Variants in ARHGAP44 observed in about 807,000 individuals in gnomAD.
ARHGAP44 encodes the protein Rho GTPase activating protein 44.
ARHGAP44 carries 43 observed loss-of-function variants against 106.8 expected under a neutral mutation model. The observed-to-expected ratio is 0.40, with a 90% confidence interval of 0.32 to 0.52. ARHGAP44 has a LOEUF of 0.52. Among genes scored for constraint, ARHGAP44 ranks in the 20% least tolerant of loss-of-function variants. The pLI is 0.48. For synonymous variants in ARHGAP44, 439 were observed against 410.3 expected, an observed-to-expected ratio of 1.07 and a Z score of -0.85; for missense variants, 866 against 1,050.5, an observed-to-expected ratio of 0.82 and a Z score of 2.43.
At chr17:12,895,149 CAAAT>C (rs1169309963) in intron 2 of ARHGAP44, among the ~76,000 whole-genome samples, 170 bp downstream of exon 2, 1 of 151,708 alleles carries the variant, frequency 6.6e-6, no homozygotes, top group African/African-American at 2.4e-5. Flanking sequence ...AAAAAACAAA[CAAAT>C]AAAAAAACAA....
At chr17:12,804,882 T>C (rs1161048836) in intron 1 of ARHGAP44, among the ~76,000 whole-genome samples, 2 of 152,216 alleles carry the variant, frequency 1.3e-5, no homozygotes, top group African/African-American at 4.8e-5. Context: ...AAGAACTGTT[T>C]GTCAAATTCA....
intron 1 of ARHGAP44, among the ~76,000 whole-genome samples, chr17:12,832,103 G>C (rs1043626222): frequency 1.3e-5 from 2 of 152,202 alleles, no homozygotes; most frequent in Non-Finnish European, 2.9e-5. Context: ...CTTCAGTAGA[G>C]AAAGAGTTTA....
intron 3 of ARHGAP44, among the ~76,000 whole-genome samples, chr17:12,902,333 C>T (rs1190891536): frequency 6.6e-6 from 1 of 152,188 alleles, no homozygotes; most frequent in Non-Finnish European, 1.5e-5. Context: ...CAAGCCAGCA[C>T]CCTGTTCGGT....
At chr17:12,968,496 T>C (rs916869831) in intron 16 of ARHGAP44, among the ~76,000 whole-genome samples, 18 of 152,202 alleles carry the variant, frequency 1.2e-4, no homozygotes, top group Admixed American at 1.0e-3. Context: ...CTGCCTCCTT[T>C]ACTGCCCCAA....
At chr17:12,923,721 C>T (rs2038153105) in intron 6 of ARHGAP44, among the ~76,000 whole-genome samples, 1 of 152,200 alleles carries the variant, frequency 6.6e-6, no homozygotes, top group Admixed American at 6.5e-5. Flanking sequence ...CTCAGACTGG[C>T]CATTTCTAGC....
chr17:12,819,053 A>G (rs2034684147), intron 1 of ARHGAP44, among the ~76,000 whole-genome samples: 1 of 152,080 alleles, frequency 6.6e-6, no homozygotes, highest in Non-Finnish European at 1.5e-5. Context: ...GCAGTGTGGT[A>G]TTGATAAAGA....
At position 12,984,529 on chromosome 17, in the gene ARHGAP44, A is replaced by G. The variant is rs199662267; in HGVS notation, c.1940-2A>G. The G allele has an allele frequency of 4.0e-6, 6 of 1,514,098 alleles. No individual in the cohort carries two copies. The highest frequency in any genetic ancestry group is 5.3e-6 in the Non-Finnish European group (6 of 1,135,768). 93.8% of individuals were successfully genotyped at this position (1,514,098 alleles called of 1,614,324 possible). On this transcript the variant is annotated splice_acceptor_variant, in intron 19 of 20. Transcript: ENST00000379672. LOFTEE classifies it high-confidence loss of function. ...GTTGTTGTGTTGTGTTTTCTCTTTCAGTTTCAAAGAAGCTGGCACCGATTC... is the reference window on the plus strand; with the variant it reads ...GTTGTTGTGTTGTGTTTTCTCTTTCGGTTTCAAAGAAGCTGGCACCGATTC...
intron 17 of ARHGAP44, 34 bp downstream of exon 17, chr17:12,973,353 TCA>T (rs1567717597): frequency 6.3e-7 from 1 of 1,598,280 alleles, no homozygotes; most frequent in South Asian, 1.1e-5. Context: ...GAGGCCATGC[TCA>T]GTCTCTTCAA....
intron 1 of ARHGAP44, among the ~76,000 whole-genome samples, chr17:12,816,132 A>G (rs967529473): frequency 2.0e-5 from 3 of 152,170 alleles, no homozygotes; most frequent in Non-Finnish European, 4.4e-5. Flanking sequence ...GTGGATTGAA[A>G]AAGGGGAGCC....
chr17:12,970,386 AAAG>A (rs2039500023), intron 16 of ARHGAP44, among the ~76,000 whole-genome samples: 5 of 148,002 alleles, frequency 3.4e-5, no homozygotes, highest in Non-Finnish European at 6.0e-5. Flanking sequence ...AAAAAAAAAA[AAAG>A]AAAAAGAAGA....
At chr17:12,989,898 A>C in intron 20 of ARHGAP44, 134 bp from the exon 21 acceptor site, 1 of 1,345,822 alleles carries the variant, frequency 7.4e-7, no homozygotes, top group Admixed American at 2.0e-5. Context: ...ACAATGCTTA[A>C]ACCAACCTCC....
At chr17:12,899,012 C>G (rs1775106268) in intron 3 of ARHGAP44, among the ~76,000 whole-genome samples, 1 of 152,024 alleles carries the variant, frequency 6.6e-6, no homozygotes, top group Non-Finnish European at 1.5e-5. Context: ...CACTCTGTCA[C>G]CAGGCTGGAG....
At position 12,958,703 on chromosome 17, in the gene ARHGAP44, T is replaced by C. The variant is rs1474312881; in HGVS notation, c.1343-14T>C. On this transcript the variant is annotated splice_polypyrimidine_tract_variant and intron_variant, in intron 15 of 20. Transcript: ENST00000379672. The surrounding 1 kb of genome is among the most constrained non-coding windows in gnomAD (Gnocchi z 4.1). ...ACCAAGAGTTCACATGTACCAATTC[T>C]TTCTTCCCCGCAGAGATAGAGTTCA... 1.2e-6 allele frequency: 2 copies of C among 1,612,418 alleles called. No homozygotes were observed. Among genetic ancestry groups the C allele is most frequent in the South Asian group, 2.2e-5 (2 of 90,922 alleles).
intron 1 of ARHGAP44, among the ~76,000 whole-genome samples, chr17:12,865,292 C>G (rs925263590): frequency 2.0e-5 from 3 of 152,094 alleles, no homozygotes; most frequent in African/African-American, 7.2e-5. Flanking sequence ...AAAAAAATTG[C>G]AATACACAAT....
chr17:12,835,307 A>G (rs183078828), intron 1 of ARHGAP44, among the ~76,000 whole-genome samples: 1 of 152,192 alleles, frequency 6.6e-6, no homozygotes, highest in African/African-American at 2.4e-5. Flanking sequence ...ACGTGTGCAC[A>G]GATGTGTGCA....
At chr17:12,847,393 T>TC (rs1303627129) in intron 1 of ARHGAP44, among the ~76,000 whole-genome samples, 1 of 152,164 alleles carries the variant, frequency 6.6e-6, no homozygotes, top group Non-Finnish European at 1.5e-5. Context: ...TCTTGGAGGT[T>TC]CTTGGGGTGG....
intron 13 of ARHGAP44, among the ~76,000 whole-genome samples, chr17:12,953,258 A>G (rs1478373685): frequency 5.9e-5 from 9 of 152,090 alleles, no homozygotes; most frequent in African/African-American, 1.9e-4. Context: ...CCGAGCTTCC[A>G]CTTCCGGCGC....
At chr17:12,930,298 G>A (rs1200010508) in intron 7 of ARHGAP44, among the ~76,000 whole-genome samples, 4 of 151,790 alleles carry the variant, frequency 2.6e-5, no homozygotes, top group Non-Finnish European at 5.9e-5. Context: ...CAATGGCACG[G>A]TCTTGGCTCA....
chr17:12,989,102 A>C (rs8066988), intron 20 of ARHGAP44, among the ~76,000 whole-genome samples: 126 of 8,746 alleles, frequency 0.014, no homozygotes, highest in Middle Eastern at 0.14. Context: ...CACCCCCCCC[A>C]AAAAAAAAAA....
Sources: allele counts gnomAD v4.1 joint callset (sites outside exome capture counted in the v4.1 genomes callset), GRCh38; gene constraint gnomAD v4.1.1; non-coding constraint Gnocchi (gnomAD v3.1); transcripts MANE v1.5; gene names NCBI Gene and HGNC (gene_info 2026-07-23, HGNC 2026-07-21).